The following NTN1 variants were observed in gnomAD, a reference collection of about 807,000 sequenced individuals.
NTN1 encodes netrin 1, also known as netrin-1.
In NTN1, 11 loss-of-function variants were observed where a neutral mutation model predicts 54.2. The observed-to-expected ratio is 0.20, with a 90% CI of 0.13 to 0.34. NTN1 has a LOEUF of 0.34. Among genes scored for constraint, NTN1 ranks in the 10% least tolerant of loss-of-function variants. NTN1 has a pLI of 1.00. For synonymous variants in NTN1, 371 were observed against 382.0 expected, an observed-to-expected ratio of 0.97 and a Z score of 0.33; for missense variants, 740 against 893.1, an observed-to-expected ratio of 0.83 and a Z score of 2.18.
intron 2 of NTN1, among the ~76,000 whole-genome samples, chr17:9,097,276 C>T (rs2092134948): frequency 6.6e-6 from 1 of 152,152 alleles, no homozygotes; most frequent in Non-Finnish European, 1.5e-5. Flanking sequence ...GAAAATGTAA[C>T]ATTTTGTGTC....
At chr17:9,207,788 C>T (rs1210096135) in intron 5 of NTN1, among the ~76,000 whole-genome samples, 1 of 152,236 alleles carries the variant, frequency 6.6e-6, no homozygotes, top group African/African-American at 2.4e-5. Flanking sequence ...TGCAGAAAAG[C>T]CTTCTGATTC....
At chr17:9,218,996 A>G (rs1283304224) in intron 5 of NTN1, among the ~76,000 whole-genome samples, 3 of 152,060 alleles carry the variant, frequency 2.0e-5, no homozygotes, top group South Asian at 2.1e-4. Context: ...TTGCATTCCA[A>G]TTCGCTTCCC....
At chr17:9,201,264 C>T (rs1904778411) in intron 5 of NTN1, among the ~76,000 whole-genome samples, 1 of 152,180 alleles carries the variant, frequency 6.6e-6, no homozygotes, top group Non-Finnish European at 1.5e-5. Context: ...GGAGGTAGCT[C>T]ATTTTAGCAG....
chr17:9,228,532 A>T (rs1905677599), intron 6 of NTN1, among the ~76,000 whole-genome samples: 1 of 151,794 alleles, frequency 6.6e-6, no homozygotes, highest in Admixed American at 6.6e-5. Flanking sequence ...GCTTCTTCCT[A>T]CTCCCTGGGA....
chr17:9,147,561 T>C (rs1373100917), intron 2 of NTN1, among the ~76,000 whole-genome samples: 2 of 152,202 alleles, frequency 1.3e-5, no homozygotes, highest in African/African-American at 2.4e-5. Context: ...CCTGTAAGGA[T>C]CTGACATCCC....
At chr17:9,210,787 T>C (rs140561858) in intron 5 of NTN1, among the ~76,000 whole-genome samples, 2,235 of 151,870 alleles carry the variant, frequency 0.015, 33 homozygotes, top group African/African-American at 0.028. Flanking sequence ...GTGCCTGTAA[T>C]CCCAGCTACT....
intron 2 of NTN1, among the ~76,000 whole-genome samples, chr17:9,056,882 A>G (rs1249146694): frequency 6.6e-6 from 1 of 152,178 alleles, no homozygotes; most frequent in African/African-American, 2.4e-5. Flanking sequence ...AGCATGAAGG[A>G]TGAAAAGACG....
chr17:9,049,825 G>T (rs1162625326), intron 2 of NTN1, among the ~76,000 whole-genome samples: 1 of 152,152 alleles, frequency 6.6e-6, no homozygotes, highest in Non-Finnish European at 1.5e-5. Context: ...TCGATTTTCG[G>T]GTTTTGATCA....
At chr17:9,227,228 T>TCAAA (rs3842383) in intron 6 of NTN1, among the ~76,000 whole-genome samples, 120,516 of 150,710 alleles carry the variant, frequency 0.8, 48,113 homozygotes, top group East Asian at 0.85. Context: ...CACCATCACA[T>TCAAA]CACATACACC....
chr17:9,073,225 C>T (rs1042438974), intron 2 of NTN1, among the ~76,000 whole-genome samples: 4 of 152,194 alleles, frequency 2.6e-5, no homozygotes, highest in Non-Finnish European at 5.9e-5. Flanking sequence ...GGGCCCCAGA[C>T]ACCTGTCTCC....
At chr17:9,046,173 T>A (rs2091940830) in intron 2 of NTN1, among the ~76,000 whole-genome samples, 1 of 152,212 alleles carries the variant, frequency 6.6e-6, no homozygotes, top group South Asian at 2.1e-4. Context: ...GTGTAAGGAA[T>A]ATGTAATAAA....
intron 3 of NTN1, 21 bp from the exon 4 acceptor site, chr17:9,179,786 C>T (rs756576650): frequency 2.5e-6 from 4 of 1,610,412 alleles, no homozygotes; most frequent in Non-Finnish European, 3.4e-6. Context: ...GTCTGACCCT[C>T]CCATTTTGTG....
intron 2 of NTN1, among the ~76,000 whole-genome samples, chr17:9,056,799 A>G (rs1199217473): frequency 6.6e-6 from 1 of 152,234 alleles, no homozygotes; most frequent in Non-Finnish European, 1.5e-5. Context: ...AGAGTCCAGA[A>G]GCAGGGGCTC....
At chr17:9,207,474 A>G (rs778696002) in intron 5 of NTN1, among the ~76,000 whole-genome samples, 1 of 152,194 alleles carries the variant, frequency 6.6e-6, no homozygotes, top group African/African-American at 2.4e-5. Flanking sequence ...ACTTTAAAAG[A>G]TTGTTACAAA....
chr17:9,193,570 C>T (rs71369625), intron 5 of NTN1, among the ~76,000 whole-genome samples: 24,006 of 152,128 alleles, frequency 0.16, 2,208 homozygotes, highest in East Asian at 0.37. Context: ...ATATTCAGCA[C>T]TTCTTGGTTC....
intron 5 of NTN1, among the ~76,000 whole-genome samples, chr17:9,197,162 G>A (rs1044116163): frequency 2.0e-5 from 3 of 152,074 alleles, no homozygotes; most frequent in South Asian, 2.1e-4. Flanking sequence ...TAGGTCATCC[G>A]ATCGGGCCTG....
intron 2 of NTN1, among the ~76,000 whole-genome samples, chr17:9,093,486 C>T (rs1347094111): frequency 6.6e-6 from 1 of 152,172 alleles, no homozygotes; most frequent in African/African-American, 2.4e-5. Context: ...CCTCAGTCTC[C>T]TGAGTAGTTG....
chr17:9,205,235 G>T (rs1420529423), intron 5 of NTN1, among the ~76,000 whole-genome samples: 1 of 152,180 alleles, frequency 6.6e-6, no homozygotes, highest in African/African-American at 2.4e-5. Context: ...GGACATGAGG[G>T]CACTATTTGG....
At chr17:9,011,848 A>G in the NTN1 span, among the ~76,000 whole-genome samples, 3 of 152,108 alleles carry the variant, frequency 2.0e-5, no homozygotes, top group African/African-American at 7.2e-5. Flanking sequence ...TCGGCCCCCC[A>G]GAGTGCTGAG....
Sources: gnomAD v4.1 joint callset for allele counts (sites outside exome capture counted in the v4.1 genomes callset) on GRCh38, gnomAD v4.1.1 for gene constraint, MANE v1.5 for transcripts, NCBI Gene and HGNC (gene_info 2026-07-23, HGNC 2026-07-21) for gene names.